The following STRBP variants were observed in gnomAD, a reference collection of about 807,000 sequenced individuals.
The protein encoded by STRBP is spermatid perinuclear RNA binding protein.
STRBP carries 13 observed loss-of-function variants against 80.1 expected under a neutral mutation model. The ratio of observed to expected loss-of-function variants is 0.16; its 90% CI spans 0.11 to 0.26. The LOEUF is 0.26. STRBP is among the 10% of genes least tolerant of loss of function. The pLI, the probability that STRBP is intolerant of heterozygous loss-of-function variation, is 1.00. For synonymous variants in STRBP, 284 were observed against 291.2 expected, an observed-to-expected ratio of 0.98 and a Z score of 0.25; for missense variants, 485 against 815.2, an observed-to-expected ratio of 0.59 and a Z score of 4.93.
chr9:123,125,265 C>T lies in STRBP; in HGVS notation c.*332G>A, dbSNP rs1392349194. ...TGTGATCAGTGTTTGAGACTCTATA[C>T]ATCCTTCACAAATTTAATTTTACAT... On this transcript the variant is annotated 3_prime_UTR_variant, in exon 19 of 19. Transcript: ENST00000348403. 1 of 1,023,570 alleles carries T rather than the reference C, an allele frequency of 9.8e-7. No individual in the cohort carries two copies. The highest frequency in any genetic ancestry group is 1.2e-6 in the Non-Finnish European group (1 of 854,076). The allele number at this position is 1,023,570 out of a possible 1,614,324, so 63.4% of individuals were successfully genotyped here.
intron 11 of STRBP, among the ~76,000 whole-genome samples, chr9:123,157,671 A>G (rs977899181): frequency 6.6e-6 from 1 of 152,108 alleles, no homozygotes; most frequent in Non-Finnish European, 1.5e-5. Flanking sequence ...CCTTCTTCAC[A>G]TGGTGGCAGA....
intron 2 of STRBP, among the ~76,000 whole-genome samples, chr9:123,197,931 C>A (rs140078432): frequency 0.014 from 2,150 of 152,136 alleles, 52 homozygotes; most frequent in African/African-American, 0.049. Context: ...GCCTAGACCT[C>A]TCAAAGTGCT....
In STRBP at chr9:123,132,869, C is replaced by G. The variant is rs1489178016; in HGVS notation, c.1873G>C (p.Ala625Pro). The change falls in exon 17 of 19, where the codon GCT becomes CCT. Residue 625 changes from alanine (A) to proline (P), a missense_variant. Physicochemically the swap from Ala to Pro is conservative, Grantham distance 27 (BLOSUM62 -1). This residue lies in a region of STRBP where 85 missense variants were observed against 120.1 expected (regional missense o/e 0.71). Transcript: ENST00000348403. ...CCTGGAGCTATGTAGCCAGGAGCAGCTGTCGCCCCAACAAAAGCTCCCCTT... is the reference window on the plus strand; with the variant it reads ...CCTGGAGCTATGTAGCCAGGAGCAGGTGTCGCCCCAACAAAAGCTCCCCTT... ...LTRGAFVGAT[A>P]APGYIAPGYG... 5 of 1,614,006 alleles carry G rather than the reference C, an allele frequency of 3.1e-6. No homozygotes were observed. The African/African-American group carries it at 6.7e-5, about 22-fold the overall frequency.
chr9:123,144,783 A>G (rs2036743956), intron 13 of STRBP, among the ~76,000 whole-genome samples: 1 of 152,200 alleles, frequency 6.6e-6, no homozygotes, highest in Admixed American at 6.5e-5. Context: ...AGAACAAACT[A>G]CCTCAAAATA....
chr9:123,202,342 G>A (rs898812874), intron 2 of STRBP, among the ~76,000 whole-genome samples: 1 of 152,196 alleles, frequency 6.6e-6, no homozygotes, highest in African/African-American at 2.4e-5. Flanking sequence ...CCACTTTGGT[G>A]TATATCAGGC....
At chr9:123,128,524 CCA>C (rs2132301250) in intron 17 of STRBP, among the ~76,000 whole-genome samples, 1 of 152,330 alleles carries the variant, frequency 6.6e-6, no homozygotes, top group East Asian at 1.9e-4. Context: ...CTCACTGACC[CCA>C]CACTCTATTA....
At chr9:123,169,359 C>T (rs557186406) in intron 6 of STRBP, among the ~76,000 whole-genome samples, 27 of 151,798 alleles carry the variant, frequency 1.8e-4, no homozygotes, top group Non-Finnish European at 2.8e-4. Context: ...TCAGTAGAGA[C>T]GGGGTTTTGC....
chr9:123,199,545 T>C (rs2039233121), intron 2 of STRBP, among the ~76,000 whole-genome samples: 1 of 152,268 alleles, frequency 6.6e-6, no homozygotes, highest in Non-Finnish European at 1.5e-5. Flanking sequence ...TTGTATCATC[T>C]ACAGTTTCTT....
At chr9:123,241,905 G>A (rs979251856) in intron 1 of STRBP, among the ~76,000 whole-genome samples, 1 of 152,138 alleles carries the variant, frequency 6.6e-6, no homozygotes, top group African/African-American at 2.4e-5. Flanking sequence ...AAAGTCCCAG[G>A]TGATCTGGCC....
intron 2 of STRBP, among the ~76,000 whole-genome samples, chr9:123,189,644 C>G (rs1382797653): frequency 1.3e-5 from 2 of 151,360 alleles, no homozygotes; most frequent in Non-Finnish European, 2.9e-5. Context: ...GGGAATTGAA[C>G]AATGAGAACT....
In STRBP at chr9:123,111,574, G is replaced by C. The variant is rs753074681; in HGVS notation, c.*85-1821C>G. ...CAGGGCTGGCCTGAGCAAGGCTCTT[G>C]TCTGTAAGTAACTCCACTGCCTGAC... On this transcript the variant is annotated intron_variant and NMD_transcript_variant, in intron 3 of 3. Coordinates refer to the STRBP transcript ENST00000471564. 1.0e-5 allele frequency: 5 copies of C among 478,286 alleles called. No homozygotes were observed. In the East Asian group the frequency reaches 3.2e-4, roughly 30 times the overall value. The allele number at this position is 478,286 out of a possible 1,614,324, so 29.6% of individuals were successfully genotyped here. A position where few individuals can be genotyped will look rare whatever the true frequency, so the allele number is the denominator to read the frequency against.
chr9:123,185,968 C>G (rs1415378192), intron 2 of STRBP, among the ~76,000 whole-genome samples: 2 of 140,776 alleles, frequency 1.4e-5, no homozygotes, highest in Admixed American at 7.5e-5. Context: ...GGAGGCAGAG[C>G]TTGCAGTCAG....
chr9:123,199,595 C>T (rs1348582804), intron 2 of STRBP, among the ~76,000 whole-genome samples: 1 of 152,188 alleles, frequency 6.6e-6, no homozygotes, highest in Non-Finnish European at 1.5e-5. Flanking sequence ...AGATCTTTCA[C>T]CTCCTTGGTT....
At chr9:123,218,385 C>T (rs1465242897) in intron 2 of STRBP, among the ~76,000 whole-genome samples, 2 of 105,890 alleles carry the variant, frequency 1.9e-5, no homozygotes, top group Non-Finnish European at 3.4e-5. Context: ...TTTTTTGAGA[C>T]GGAGTCTCGC....
intron 1 of STRBP, among the ~76,000 whole-genome samples, chr9:123,246,957 A>G (rs1245349594): frequency 6.6e-6 from 1 of 152,240 alleles, no homozygotes; most frequent in Non-Finnish European, 1.5e-5. Flanking sequence ...ATATAGTAAA[A>G]TATCACCTTG....
Position 123,136,818 on chromosome 9 carries a change from A to G in STRBP, c.1498-303T>C, listed in dbSNP as rs1379763207. On this transcript the variant is annotated intron_variant, in intron 14 of 18. Transcript: ENST00000348403. The surrounding 1 kb of genome is among the most constrained non-coding windows in gnomAD (Gnocchi z 4.2). ...GCTCTGTAGTGTTCGTGATCTAAGA[A>G]TAATACTCTAAATTACTAATAACGA... is the stretch of plus-strand genomic sequence containing the variant. Among the ~76,000 whole-genome samples the G allele has an allele frequency of 6.6e-6, 1 of 152,226 alleles. No homozygotes were observed. Among genetic ancestry groups the G allele is most frequent in the African/African-American group, 2.4e-5 (1 of 41,442 alleles).
intron 2 of STRBP, among the ~76,000 whole-genome samples, chr9:123,232,255 G>A (rs2040419551): frequency 6.6e-6 from 1 of 152,072 alleles, no homozygotes; most frequent in African/African-American, 2.4e-5. Context: ...AGGTTGCAGT[G>A]AGCCGAAATC....
chr9:123,223,042 A>ACATAGAT, intron 2 of STRBP, among the ~76,000 whole-genome samples: 1 of 146,500 alleles, frequency 6.8e-6, no homozygotes, highest in South Asian at 2.2e-4. Flanking sequence ...AAGCTCAGAT[A>ACATAGAT]GATAGATGAT....
intron 6 of STRBP, among the ~76,000 whole-genome samples, chr9:123,161,423 A>C (rs1225340891): frequency 6.6e-6 from 1 of 152,366 alleles, no homozygotes; most frequent in East Asian, 1.9e-4. Flanking sequence ...GGCAGGATGC[A>C]AAGAAGGGAA....
Sources: allele counts gnomAD v4.1 joint callset (sites outside exome capture counted in the v4.1 genomes callset), GRCh38; gene constraint gnomAD v4.1.1; regional missense constraint gnomAD v4.1.1; non-coding constraint Gnocchi (gnomAD v3.1); transcripts MANE v1.5; gene names NCBI Gene and HGNC (gene_info 2026-07-23, HGNC 2026-07-21).